The following CEP63 variants were observed in gnomAD, a reference collection of about 807,000 sequenced individuals.
CEP63 encodes the protein centrosomal protein of 63 kDa.
CEP63 carries 84 observed loss-of-function variants against 89.1 expected under a neutral mutation model. The observed-to-expected ratio is 0.94, with a 90% CI of 0.79 to 1.13. The LOEUF (loss-of-function observed/expected upper bound fraction) is 1.13. Ranked by LOEUF, CEP63 falls within the 50% of genes most tolerant of loss-of-function variation. The probability of loss-of-function intolerance (pLI) is 0.00; values close to 1 mark genes in which losing one functional copy is unlikely to be tolerated. For missense variants in CEP63, 838 were observed against 813.3 expected, an observed-to-expected ratio of 1.03 and a Z score of -0.37; for synonymous variants, 267 against 272.5, an observed-to-expected ratio of 0.98 and a Z score of 0.20.
chr3:134,596,167 G>T, the CEP63 span, among the ~76,000 whole-genome samples: 1 of 152,020 alleles, frequency 6.6e-6, no homozygotes, highest in Admixed American at 6.6e-5. Flanking sequence ...CTTCAAACAG[G>T]GCCATGGGGA....
the CEP63 span, among the ~76,000 whole-genome samples, chr3:134,595,711 A>G: frequency 1.1e-4 from 16 of 152,138 alleles, no homozygotes; most frequent in African/African-American, 3.1e-4. Context: ...CTCATTCTCA[A>G]TCCTTCATGG....
At chr3:134,650,859 C>G in the CEP63 span, 1 of 1,609,670 alleles carries the variant, frequency 6.2e-7, no homozygotes, top group Non-Finnish European at 8.5e-7. Flanking sequence ...TCGGGTTCGC[C>G]TGCTGGTCTG....
chr3:134,697,613 C>G, the CEP63 span, among the ~76,000 whole-genome samples: 4 of 152,240 alleles, frequency 2.6e-5, no homozygotes, highest in Admixed American at 6.5e-5. Context: ...TTGCTCGGCC[C>G]TCTTCCCTCA....
chr3:134,542,386 C>T (rs546469514), intron 6 of CEP63, among the ~76,000 whole-genome samples: 10 of 152,140 alleles, frequency 6.6e-5, no homozygotes, highest in African/African-American at 2.2e-4. Context: ...TTTAAAAGTT[C>T]GTAGTAGCAT....
chr3:134,566,479 G>A (rs1458632876), downstream of CEP63, among the ~76,000 whole-genome samples: 1 of 152,128 alleles, frequency 6.6e-6, no homozygotes, highest in African/African-American at 2.4e-5. Context: ...GTCCCAGAAT[G>A]GTATCCCATT....
chr3:134,609,629 A>G, the CEP63 span, among the ~76,000 whole-genome samples: 11 of 152,334 alleles, frequency 7.2e-5, 1 homozygote, highest in African/African-American at 2.4e-4. Flanking sequence ...AGAGCCCCAG[A>G]GGACAGAAAT....
At chr3:134,707,373 T>G in the CEP63 span, among the ~76,000 whole-genome samples, 1 of 152,208 alleles carries the variant, frequency 6.6e-6, no homozygotes. Flanking sequence ...GAGTAAGATT[T>G]AGGCTACCAG....
At chr3:134,602,517 T>G in the CEP63 span, among the ~76,000 whole-genome samples, 3 of 152,176 alleles carry the variant, frequency 2.0e-5, no homozygotes, top group Admixed American at 6.5e-5. Flanking sequence ...AGCCCTGGCT[T>G]TGCTGGTAGA....
At chr3:134,724,955 C>G in the CEP63 span, among the ~76,000 whole-genome samples, 1 of 152,058 alleles carries the variant, frequency 6.6e-6, no homozygotes, top group Non-Finnish European at 1.5e-5. Flanking sequence ...TCTAAACTCT[C>G]AATAATTGAA....
At chr3:134,653,296 C>T in the CEP63 span, among the ~76,000 whole-genome samples, 1 of 152,234 alleles carries the variant, frequency 6.6e-6, no homozygotes, top group Non-Finnish European at 1.5e-5. Flanking sequence ...CTTAGAATGT[C>T]TCCAGACATT....
the CEP63 span, among the ~76,000 whole-genome samples, chr3:134,738,249 T>TACACACACACACACACACACAC: frequency 1.3e-4 from 19 of 145,678 alleles, no homozygotes; most frequent in African/African-American, 5.0e-4. Context: ...TATTCCATCA[T>TACACACACACACACACACACAC]ACACACACAC....
the CEP63 span, among the ~76,000 whole-genome samples, chr3:134,687,432 C>G: frequency 1.3e-5 from 2 of 152,180 alleles, no homozygotes; most frequent in Admixed American, 6.5e-5. Context: ...TGCCTAGGTG[C>G]CTGAAGAGCT....
downstream of CEP63, among the ~76,000 whole-genome samples, chr3:134,566,346 T>A (rs1471014411): frequency 6.6e-6 from 1 of 152,078 alleles, no homozygotes; most frequent in East Asian, 1.9e-4. Context: ...TATAATAATA[T>A]TAAATGCAAA....
chr3:134,670,909 CA>C, the CEP63 span, among the ~76,000 whole-genome samples: 3 of 152,252 alleles, frequency 2.0e-5, no homozygotes, highest in East Asian at 5.8e-4. Context: ...GAATTAACTA[CA>C]GTTAGAAGGA....
rs547033053 is a variant in CEP63, at chr3:134,506,775, G to A, written c.45-334G>A. ...TCTCTACTAAAAATAAAAATTAGCC[G>A]GGCATGGTGGCGCATGCCTGTAATC... On this transcript the variant is annotated intron_variant, in intron 2 of 14. Transcript: ENST00000675561. Among the ~76,000 whole-genome samples, 33 of 151,884 alleles carry A rather than the reference G, an allele frequency of 2.2e-4. No homozygotes were observed. The South Asian group carries it at 4.0e-3, about 18-fold the overall frequency.
At chr3:134,493,372 C>T (rs961220050) in intron 1 of CEP63, among the ~76,000 whole-genome samples, 2 of 151,248 alleles carry the variant, frequency 1.3e-5, no homozygotes, top group African/African-American at 4.9e-5. Flanking sequence ...TGGTGTGGAC[C>T]GTGTACTGCC....
chr3:134,751,488 A>G, the CEP63 span, among the ~76,000 whole-genome samples: 1 of 152,118 alleles, frequency 6.6e-6, no homozygotes, highest in Non-Finnish European at 1.5e-5. Flanking sequence ...TAGACTTCCC[A>G]GGGCACTATG....
At chr3:134,679,866 G>A in the CEP63 span, among the ~76,000 whole-genome samples, 1 of 152,116 alleles carries the variant, frequency 6.6e-6, no homozygotes, top group Non-Finnish European at 1.5e-5. Context: ...GGGACTACAG[G>A]AGTGCGCCAC....
chr3:134,610,399 G>A, the CEP63 span: 1 of 1,603,338 alleles, frequency 6.2e-7, no homozygotes. Context: ...GGCAGGACAG[G>A]GGGTCTGAGA....
Sources: allele counts gnomAD v4.1 joint callset (sites outside exome capture counted in the v4.1 genomes callset), GRCh38; gene constraint gnomAD v4.1.1; transcripts MANE v1.5; gene names NCBI Gene and HGNC (gene_info 2026-07-23, HGNC 2026-07-21).